Variants in VAT1L observed in about 807,000 individuals in gnomAD.
VAT1L encodes putative NADPH-dependent quinone oxidoreductase VAT1L.
A neutral mutation model predicts 44.1 loss-of-function variants in VAT1L; 34 were observed. That is an observed-to-expected ratio of 0.77 (90% CI 0.59 to 1.03). The LOEUF is 1.03. Ranked by LOEUF, VAT1L falls within the 50% of genes least tolerant of loss-of-function variation. VAT1L has a pLI of 0.00. For missense variants in VAT1L, 615 were observed against 538.8 expected, an observed-to-expected ratio of 1.14 and a Z score of -1.40; for synonymous variants, 253 against 202.2, an observed-to-expected ratio of 1.25 and a Z score of -2.13.
intron 4 of VAT1L, among the ~76,000 whole-genome samples, chr16:77,867,778 G>A (rs1012648002): frequency 1.8e-4 from 27 of 151,416 alleles, no homozygotes; most frequent in Admixed American, 6.6e-5. Flanking sequence ...AGAATTGCTT[G>A]AACCCAGGAG....
intron 7 of VAT1L, among the ~76,000 whole-genome samples, chr16:77,941,585 A>G (rs2017884129): frequency 2.0e-5 from 3 of 152,134 alleles, no homozygotes; most frequent in Admixed American, 2.0e-4. Flanking sequence ...CTCTTTGAGA[A>G]ATTGCCACAC....
intron 8 of VAT1L, among the ~76,000 whole-genome samples, chr16:77,975,521 C>CCA (rs2018329625): frequency 6.6e-6 from 1 of 152,024 alleles, no homozygotes; most frequent in Admixed American, 6.6e-5. Context: ...CATGACCAGT[C>CCA]TCAGCCCTCA....
intron 7 of VAT1L, among the ~76,000 whole-genome samples, chr16:77,932,361 T>A (rs2017742627): frequency 6.6e-6 from 1 of 152,084 alleles, no homozygotes; most frequent in South Asian, 2.1e-4. Context: ...CGCCTTGGCC[T>A]CCAAAAGTGC....
chr16:77,962,639 T>C (rs940637635), intron 7 of VAT1L, among the ~76,000 whole-genome samples: 3 of 151,334 alleles, frequency 2.0e-5, no homozygotes, highest in Admixed American at 6.6e-5. Flanking sequence ...TCCCAGCACA[T>C]CAGGAGGCCA....
Position 77,879,495 on chromosome 16 carries a change from T to G in VAT1L, c.882+271T>G, listed in dbSNP as rs1171706956. Among the ~76,000 whole-genome samples, 7 of 152,206 alleles carry G rather than the reference T, an allele frequency of 4.6e-5. No homozygotes were observed. Among genetic ancestry groups the G allele is most frequent in the Admixed American group, 4.6e-4 (7 of 15,282 alleles). ...TAGTAGAGACGGGGTTTCACCGTGT[T>G]GGCCAGGATGGTCTCAATCTGACCT... On this transcript the variant is annotated intron_variant, in intron 6 of 8. Transcript: ENST00000302536. The surrounding 1 kb of genome is among the most constrained non-coding windows in gnomAD (Gnocchi z 4.1).
intron 8 of VAT1L, among the ~76,000 whole-genome samples, chr16:77,974,113 T>C (rs1289508796): frequency 6.6e-6 from 1 of 152,212 alleles, no homozygotes; most frequent in African/African-American, 2.4e-5. Flanking sequence ...CCTTCAACAT[T>C]GTAAAACACC....
At chr16:77,905,692 A>G (rs2017429651) in intron 7 of VAT1L, among the ~76,000 whole-genome samples, 1 of 152,124 alleles carries the variant, frequency 6.6e-6, no homozygotes, top group African/African-American at 2.4e-5. Context: ...GTTGTGTTAC[A>G]GCATCATACG....
chr16:77,924,184 T>A (rs2017642174), intron 7 of VAT1L, among the ~76,000 whole-genome samples: 1 of 152,072 alleles, frequency 6.6e-6, no homozygotes, highest in Admixed American at 6.6e-5. Flanking sequence ...AATGTTGTGG[T>A]CTTTGAAAGT....
intron 7 of VAT1L, among the ~76,000 whole-genome samples, chr16:77,917,484 C>T (rs117414884): frequency 0.024 from 3,670 of 152,320 alleles, 72 homozygotes; most frequent in Middle Eastern, 0.058. Context: ...CTAATTCAGT[C>T]CCAATGATTC....
rs2017131267 is a variant in VAT1L, at chr16:77,879,884, C to G, written c.882+660C>G. On this transcript the variant is annotated intron_variant, in intron 6 of 8. Transcript: ENST00000302536. The surrounding 1 kb of genome is among the most constrained non-coding windows in gnomAD (Gnocchi z 4.1). ...GGCCAGCCTTTCACTTTGCTACTTTCTGACCAGGTCTCTGGGGGTACTTGA... is the reference window on the plus strand; with the variant it reads ...GGCCAGCCTTTCACTTTGCTACTTTGTGACCAGGTCTCTGGGGGTACTTGA... Among the ~76,000 whole-genome samples, 1 of 152,198 alleles carries G rather than the reference C, an allele frequency of 6.6e-6. No homozygotes were observed. The highest frequency in any genetic ancestry group is 1.5e-5 in the Non-Finnish European group (1 of 68,042).
chr16:77,946,144 T>G (rs759813043), intron 7 of VAT1L, among the ~76,000 whole-genome samples: 6 of 151,972 alleles, frequency 3.9e-5, no homozygotes, highest in Non-Finnish European at 8.8e-5. Flanking sequence ...ACAAAAAAAT[T>G]TGTGGACTGC....
intron 3 of VAT1L, among the ~76,000 whole-genome samples, chr16:77,846,526 A>G (rs150018835): frequency 1.0e-3 from 153 of 152,322 alleles, no homozygotes; most frequent in African/African-American, 3.5e-3. Context: ...GCCAGTCTCT[A>G]TGCAAACATT....
chr16:77,806,367 G>T (rs28575237), intron 1 of VAT1L, among the ~76,000 whole-genome samples: 2,497 of 152,050 alleles, frequency 0.016, 72 homozygotes, highest in African/African-American at 0.055. Context: ...CCACCACCAC[G>T]CCCGGCCAAG....
intron 7 of VAT1L, among the ~76,000 whole-genome samples, chr16:77,913,675 A>T (rs986783584): frequency 1.3e-5 from 2 of 152,052 alleles, no homozygotes; most frequent in African/African-American, 2.4e-5. Context: ...TGGCATCTGG[A>T]CTGGGCCAGG....
At chr16:77,839,169 T>C (rs1043888615) in intron 3 of VAT1L, among the ~76,000 whole-genome samples, 8 of 151,894 alleles carry the variant, frequency 5.3e-5, no homozygotes, top group African/African-American at 1.7e-4. Context: ...AACTGAGGAC[T>C]GATGTCTGAA....
intron 3 of VAT1L, among the ~76,000 whole-genome samples, chr16:77,851,490 A>C (rs2016808345): frequency 6.6e-6 from 1 of 152,002 alleles, no homozygotes. Flanking sequence ...CTCTACAAAA[A>C]AAATTGTTTT....
At position 77,958,797 on chromosome 16, in the gene VAT1L, C is replaced by T. The variant is rs1352554222; in HGVS notation, c.1078-13053C>T. Among the ~76,000 whole-genome samples the T allele has an allele frequency of 2.6e-5, 4 of 152,290 alleles. No homozygotes were observed. The East Asian group carries it at 5.8e-4, about 22-fold the overall frequency. On this transcript the variant is annotated intron_variant, in intron 7 of 8. Coordinates refer to ENST00000302536, the MANE Select transcript of VAT1L (RefSeq NM_020927.3). ...AGTTGCTCCATCCAGATTACACTGC[C>T]TTGCTTTTTGCTTTCTCTTCTTCTC... is the stretch of plus-strand genomic sequence containing the variant.
At chr16:77,829,603 C>T (rs369493093) in intron 3 of VAT1L, among the ~76,000 whole-genome samples, 1 of 152,264 alleles carries the variant, frequency 6.6e-6, no homozygotes, top group East Asian at 1.9e-4. Context: ...TGGCAGTGCT[C>T]TTAATAAGAT....
At chr16:77,898,669 G>A (rs2017349535) in intron 7 of VAT1L, among the ~76,000 whole-genome samples, 1 of 146,578 alleles carries the variant, frequency 6.8e-6, no homozygotes, top group Non-Finnish European at 1.5e-5. Flanking sequence ...TACCAGATCA[G>A]AAGGGGTGGG....
Sources: allele counts gnomAD v4.1 joint callset (sites outside exome capture counted in the v4.1 genomes callset), GRCh38; gene constraint gnomAD v4.1.1; non-coding constraint Gnocchi (gnomAD v3.1); transcripts MANE v1.5; gene names NCBI Gene and HGNC (gene_info 2026-07-23, HGNC 2026-07-21).